Variants in ASB3 observed in about 807,000 individuals in gnomAD.
ASB3 encodes ankyrin repeat and SOCS box protein 3.
A neutral mutation model predicts 54.5 loss-of-function variants in ASB3; 41 were observed. The observed-to-expected ratio is 0.75, with a 90% CI of 0.59 to 0.98. ASB3 has a LOEUF of 0.98. Among genes scored for constraint, ASB3 ranks in the 50% least tolerant of loss-of-function variants. The probability of loss-of-function intolerance (pLI) is 0.00; values close to 1 mark genes in which losing one functional copy is unlikely to be tolerated. For missense variants in ASB3, 733 were observed against 620.0 expected (o/e 1.18, Z -1.94); for synonymous variants, 266 against 221.2 (o/e 1.20, Z -1.80).
chr2:53,712,769 GGCGCGC>G (rs762941607), intron 7 of ASB3, among the ~76,000 whole-genome samples: 1 of 147,382 alleles, frequency 6.8e-6, no homozygotes. Context: ...CACACACACA[GGCGCGC>G]GCGCGCGCGC....
intron 5 of ASB3, among the ~76,000 whole-genome samples, chr2:53,723,313 CCT>C (rs1572909014): frequency 6.6e-6 from 1 of 151,958 alleles, no homozygotes; most frequent in African/African-American, 2.4e-5. Flanking sequence ...TATTTTTTCC[CCT>C]GTTAAATGTC....
At chr2:53,673,600 G>A (rs765914921) in intron 9 of ASB3, among the ~76,000 whole-genome samples, 6 of 152,130 alleles carry the variant, frequency 3.9e-5, no homozygotes, top group Non-Finnish European at 8.8e-5. Flanking sequence ...AAGCGTAACT[G>A]ACTTGCCCAC....
chr2:53,731,064 T>C (rs1249252591), intron 3 of ASB3, among the ~76,000 whole-genome samples: 1 of 152,208 alleles, frequency 6.6e-6, no homozygotes, highest in Non-Finnish European at 1.5e-5. Flanking sequence ...ATTGAATTTA[T>C]ACCAAAGCTT....
chr2:53,776,274 T>C (rs942415424), intron 1 of ASB3, among the ~76,000 whole-genome samples: 2 of 152,240 alleles, frequency 1.3e-5, no homozygotes, highest in Non-Finnish European at 2.9e-5. Context: ...CCAGACGGCA[T>C]TTCACTTGTC....
chr2:53,711,102 T>G (rs1300169120), intron 7 of ASB3, among the ~76,000 whole-genome samples: 1 of 152,152 alleles, frequency 6.6e-6, no homozygotes, highest in African/African-American at 2.4e-5. Flanking sequence ...CTGCACTCTG[T>G]GTGGGCAACA....
At chr2:53,769,369 C>T (rs1043433872) in intron 1 of ASB3, among the ~76,000 whole-genome samples, 4 of 152,160 alleles carry the variant, frequency 2.6e-5, no homozygotes, top group African/African-American at 9.7e-5. Context: ...AAACCTTTAG[C>T]CCAGGCTCCA....
intron 7 of ASB3, among the ~76,000 whole-genome samples, 183 bp downstream of exon 7, chr2:53,714,201 A>G (rs1670262454): frequency 6.6e-6 from 1 of 152,206 alleles, no homozygotes; most frequent in Non-Finnish European, 1.5e-5. Context: ...ACAATGTGAT[A>G]TTATCACCTC....
intron 7 of ASB3, 82 bp from the exon 8 acceptor site, chr2:53,700,610 T>C: frequency 2.7e-6 from 4 of 1,497,422 alleles, no homozygotes; most frequent in Non-Finnish European, 3.6e-6. Context: ...TAATAGTAGT[T>C]ACAGCTGGGG....
At chr2:53,775,485 T>C (rs1212741179) in intron 1 of ASB3, among the ~76,000 whole-genome samples, 1 of 152,158 alleles carries the variant, frequency 6.6e-6, no homozygotes, top group Admixed American at 6.5e-5. Context: ...AATTTTGTTT[T>C]GTTTTTTGAG....
At chr2:53,674,647 A>T (rs775885663) in intron 9 of ASB3, among the ~76,000 whole-genome samples, 2 of 152,174 alleles carry the variant, frequency 1.3e-5, no homozygotes, top group African/African-American at 4.8e-5. Flanking sequence ...TGCCTGAACT[A>T]CATTTCTCTG....
intron 7 of ASB3, among the ~76,000 whole-genome samples, chr2:53,703,809 C>T (rs1669618806): frequency 6.6e-6 from 1 of 152,170 alleles, no homozygotes; most frequent in Non-Finnish European, 1.5e-5. Flanking sequence ...TAGCCATTAA[C>T]ACCTGAAGTC....
Position 53,670,482 on chromosome 2 carries a change from G to A in ASB3, c.*21C>T, listed in dbSNP as rs749166061. The A allele has an allele frequency of 6.2e-7, 1 of 1,606,806 alleles. No individual in the cohort carries two copies. Among genetic ancestry groups the A allele is most frequent in the South Asian group, 1.1e-5 (1 of 89,726 alleles). On this transcript the variant is annotated 3_prime_UTR_variant, in exon 10 of 10. Transcript: ENST00000263634. The stretch of plus-strand genomic sequence containing the variant: ...GATTTTTCAGAGAAAAAAATTAGCT[G>A]TGTTAAGTAGTTTCACTGATTTATC...
intron 3 of ASB3, among the ~76,000 whole-genome samples, chr2:53,736,924 C>T (rs1412086013): frequency 6.6e-6 from 1 of 152,008 alleles, no homozygotes; most frequent in African/African-American, 2.4e-5. Flanking sequence ...GCGGAGGTTG[C>T]AGTGAGCCGA....
intron 7 of ASB3, among the ~76,000 whole-genome samples, chr2:53,711,501 A>C (rs1437438082): frequency 2.0e-5 from 3 of 152,212 alleles, no homozygotes; most frequent in Non-Finnish European, 2.9e-5. Flanking sequence ...AAGAAAAAGA[A>C]GGCCAGGCGC....
At chr2:53,734,417 C>G (rs185496236) in intron 3 of ASB3, among the ~76,000 whole-genome samples, 2 of 152,146 alleles carry the variant, frequency 1.3e-5, no homozygotes, top group East Asian at 1.9e-4. Flanking sequence ...TGAACTACCC[C>G]CAAAGACTAC....
intron 9 of ASB3, among the ~76,000 whole-genome samples, chr2:53,689,864 G>C (rs1668816667): frequency 6.6e-6 from 1 of 151,998 alleles, no homozygotes; most frequent in Admixed American, 6.6e-5. Flanking sequence ...AATCCAATTT[G>C]CAATACAAAA....
chr2:53,681,011 C>T (rs554253202), intron 9 of ASB3, among the ~76,000 whole-genome samples: 1 of 152,248 alleles, frequency 6.6e-6, no homozygotes, highest in East Asian at 1.9e-4. Flanking sequence ...GCTTATTTTA[C>T]TTACTATAAT....
At chr2:53,701,894 T>C (rs1446029936) in intron 7 of ASB3, among the ~76,000 whole-genome samples, 2 of 152,216 alleles carry the variant, frequency 1.3e-5, no homozygotes, top group African/African-American at 4.8e-5. Flanking sequence ...CCTATGTTTC[T>C]GGACTTTTCA....
intron 8 of ASB3, chr2:53,694,454 T>C (rs777118825): frequency 6.5e-6 from 1 of 153,516 alleles, no homozygotes; most frequent in African/African-American, 2.4e-5. Flanking sequence ...TGTACAAGTA[T>C]GGCTTGTTTC....
Sources: gnomAD v4.1 joint callset for allele counts (sites outside exome capture counted in the v4.1 genomes callset) on GRCh38, gnomAD v4.1.1 for gene constraint, MANE v1.5 for transcripts, NCBI Gene and HGNC (gene_info 2026-07-23, HGNC 2026-07-21) for gene names.